MKI67: variants seen among roughly 807,000 people sequenced by gnomAD.
MKI67 encodes the protein proliferation marker protein Ki-67.
In MKI67, 152 loss-of-function variants were observed where a neutral mutation model predicts 233.5. That is an observed-to-expected ratio of 0.65 (90% confidence interval 0.57 to 0.74). The LOEUF is 0.74. Among genes scored for constraint, MKI67 ranks in the 30% least tolerant of loss-of-function variants. MKI67 has a pLI of 0.00. For synonymous variants in MKI67, 1,465 were observed against 1,418.5 expected, an observed-to-expected ratio of 1.03 and a Z score of -0.74; for missense variants, 3,940 against 3,885.2, an observed-to-expected ratio of 1.01 and a Z score of -0.37.
rs142217360 is a variant in MKI67 at position 128,113,554 on chromosome 10, C to T, written c.1529G>A (p.Gly510Glu). The T allele has an allele frequency of 8.7e-6, 14 of 1,614,106 alleles. No individual in the cohort carries two copies. The Admixed American group carries it at 1.0e-4, about 12-fold the overall frequency. The stretch of plus-strand genomic sequence containing the variant: ...ATCAAATAGTTCAGGTCTTAGGTGC[C>T]CACCAAAGGACACACGCCTTCTTTT... ...PLKRRRVSFG[G>E]HLRPELFDEN... Residue 510 changes from glycine (G) to glutamate (E), a missense_variant, in exon 8 of 15, where the codon GGG becomes GAG. Gly to Glu is a moderately conservative substitution (Grantham distance 98, BLOSUM62 -2). Transcript: ENST00000368654.
chr10:128,116,009 T>C lies in MKI67; in HGVS notation c.401-2A>G. On this transcript the variant is annotated splice_acceptor_variant, in intron 6 of 14. Coordinates refer to ENST00000368654, the MANE Select transcript of MKI67 (RefSeq NM_002417.5). LOFTEE classifies it high-confidence loss of function. The stretch of plus-strand genomic sequence containing the variant: ...CCTTGGAATCTTGAGCTTTCTCATC[T>C]TGGCAATGAATTATGAAATAAGAAA... 1 of 1,566,310 alleles carries C rather than the reference T, an allele frequency of 6.4e-7. No individual in the cohort carries two copies.
Position 128,104,765 on chromosome 10 carries a change from G to GT in MKI67, c.7074dup (p.Arg2359ThrfsTer38). 1 of 1,613,536 alleles carries GT rather than the reference G, an allele frequency of 6.2e-7. No individual in the cohort carries two copies. The highest frequency in any genetic ancestry group is 8.5e-7 in the Non-Finnish European group (1 of 1,179,946). On this transcript the variant is annotated frameshift_variant, in exon 13 of 15. Transcript: ENST00000368654. LOFTEE classifies it high-confidence loss of function. Reference sequence around the variant, plus strand: ...GCTTTCCTGAGGTTTCTCTTGGGCCGTTGCTTTGTGCTTGCTGGGGTGTCC... The same window carrying GT: ...GCTTTCCTGAGGTTTCTCTTGGGCCGTTTGCTTTGTGCTTGCTGGGGTGTCC...
intron 4 of MKI67, among the ~76,000 whole-genome samples, chr10:128,121,430 T>TAGTATATACTGTATAC (rs1852936428): frequency 7.1e-6 from 1 of 140,984 alleles, no homozygotes; most frequent in African/African-American, 2.6e-5. Flanking sequence ...ATATACCATA[T>TAGTATATACTGTATAC]AGTATATACT....
rs770223934 is a variant in MKI67, at chr10:128,111,633, C to T, written c.2260+12G>A. The T allele has an allele frequency of 6.3e-7, 1 of 1,593,260 alleles. No individual in the cohort carries two copies. Among genetic ancestry groups the T allele is most frequent in the African/African-American group, 1.4e-5 (1 of 73,894 alleles). On this transcript the variant is annotated intron_variant, in intron 11 of 14. Coordinates refer to ENST00000368654, the MANE Select transcript of MKI67 (RefSeq NM_002417.5). ...GTCAAAAGATTTATAAGATCTAAGA[C>T]TACGTTTTTACCTGAAAGATCTTCC...
Position 128,125,450 on chromosome 10 carries a change from G to A in MKI67, c.92+126C>T. Reference sequence around the variant, plus strand: ...CAACTATGTCAACTTAGTAACGAATGGGAGAAGCACCAAGGAAAAGTGACG... The same window carrying A: ...CAACTATGTCAACTTAGTAACGAATAGGAGAAGCACCAAGGAAAAGTGACG... On this transcript the variant is annotated intron_variant, in intron 2 of 14. Transcript: ENST00000368654. This position sits in a 1 kb window ranked among gnomAD's most constrained non-coding sequence, Gnocchi z 5.3. The A allele has an allele frequency of 1.3e-6, 1 of 751,088 alleles. No homozygotes were observed. The highest frequency in any genetic ancestry group is 2.3e-6 in the Non-Finnish European group (1 of 425,856). 46.5% of individuals were successfully genotyped at this position (751,088 alleles called of 1,614,324 possible). A position where few individuals can be genotyped will look rare whatever the true frequency, so the allele number is the denominator to read the frequency against.
rs1317669529 is a variant in MKI67 at position 128,108,031 on chromosome 10, T to C, written c.3809A>G (p.Lys1270Arg). ...DTPTSTKQRPKRSIRKADVEG... is the reference protein window; with the variant it reads ...DTPTSTKQRPRRSIRKADVEG... ...TACATCTGCTTTCCTGATACTTCTC[T>C]TGGGTCGTTGCTTTGTGCTTGTTGG... The change falls in exon 13 of 15, where the codon AAG becomes AGG. Residue 1270 changes from lysine (K) to arginine (R), a missense_variant. Transcript: ENST00000368654. 6.2e-7 allele frequency: 1 copy of C among 1,613,906 alleles called. No individual in the cohort carries two copies. The highest frequency in any genetic ancestry group is 8.5e-7 in the Non-Finnish European group (1 of 1,179,992).
intron 14 of MKI67, among the ~76,000 whole-genome samples, chr10:128,100,064 C>T (rs778670658): frequency 1.3e-5 from 2 of 152,188 alleles, no homozygotes; most frequent in Non-Finnish European, 1.5e-5. Context: ...TTGTAAGACT[C>T]GACGGGTGAA....
At chr10:128,123,306 C>A in intron 2 of MKI67, 137 bp from the exon 3 acceptor site, 2 of 654,038 alleles carry the variant, frequency 3.1e-6, no homozygotes, top group Non-Finnish European at 5.5e-6. Context: ...ACAAAATGGG[C>A]AATGTAAACG....
Position 128,106,296 on chromosome 10 carries a change from C to T in MKI67, c.5544G>A (p.Thr1848=), listed in dbSNP as rs2853346. 469,517 of 1,612,608 alleles carry T rather than the reference C, an allele frequency of 0.29. 68,730 individuals carry two copies. The highest frequency in any genetic ancestry group is 0.34 in the East Asian group (15,152 of 44,760). ...LFQTPCTDNP[T]TDEKTTKKIL... is the part of the protein sequence containing the mutation. ...TTTTTTTGGTAGTTTTCTCATCAGT[C>T]GTGGGGTTATCAGTGCATGGTGTCT... Residue 1848 remains threonine, a synonymous_variant, in exon 13 of 15, where the codon ACG becomes ACA. Coordinates refer to ENST00000368654, the MANE Select transcript of MKI67 (RefSeq NM_002417.5).
In MKI67 at chr10:128,102,710, G is replaced by A. The variant is rs1308711002; in HGVS notation, c.9130C>T (p.Pro3044Ser). The A allele has an allele frequency of 6.2e-7, 1 of 1,614,074 alleles. No individual in the cohort carries two copies. The highest frequency in any genetic ancestry group is 8.5e-7 in the Non-Finnish European group (1 of 1,180,054). ...APRARGKSSEPVVIMKRSLRT... is the reference protein window; with the variant it reads ...APRARGKSSESVVIMKRSLRT... ...AAACTTCTCTTCATGATGACCACGG[G>A]TTCGGATGATTTGCCTCTTGCCCTG... The change falls in exon 13 of 15, where the codon CCC becomes TCC. Residue 3044 changes from proline to serine, a missense_variant. Pro to Ser is a moderately conservative substitution (Grantham distance 74, BLOSUM62 -1). Transcript: ENST00000368654.
At chr10:128,112,523 G>T in intron 8 of MKI67, 78 bp from the exon 9 acceptor site, 1 of 1,369,110 alleles carries the variant, frequency 7.3e-7, no homozygotes. Flanking sequence ...AACCTATTCA[G>T]TTAAGAATTT....
Position 128,105,312 on chromosome 10 carries a change from A to G in MKI67, c.6528T>C (p.Gly2176=). ...QKLDPAASVT[G]SKRQPRTPKG... ...TAGGAGTTCTTGGCTGCCTCTTGCT[A>G]CCAGTTACACTTGCTGCTGGGTCCA... The change falls in exon 13 of 15, where the codon GGT becomes GGC. Residue 2176 remains glycine, a synonymous_variant. Transcript: ENST00000368654. 6.2e-7 allele frequency: 1 copy of G among 1,613,758 alleles called. No individual in the cohort carries two copies. Among genetic ancestry groups the G allele is most frequent in the Non-Finnish European group, 8.5e-7 (1 of 1,179,944 alleles).
In MKI67 at chr10:128,111,770, T is replaced by G; in HGVS notation, c.2135A>C (p.Asn712Thr). The G allele has an allele frequency of 6.2e-7, 1 of 1,614,120 alleles. No individual in the cohort carries two copies. Among genetic ancestry groups the G allele is most frequent in the Non-Finnish European group, 8.5e-7 (1 of 1,180,028 alleles). ...CCCTATTATTATGGTACAAGGAGAG[T>G]TTGCGTGGCCTGTACTAAATTGACT... is the stretch of plus-strand genomic sequence containing the variant. ...VHSQFSTGHA[N>T]SPCTIIIGKA... The change falls in exon 11 of 15, where the codon AAC becomes ACC. Residue 712 changes from asparagine (N) to threonine (T), a missense_variant. Asn to Thr is a moderately conservative substitution (Grantham distance 65). Coordinates refer to ENST00000368654, the MANE Select transcript of MKI67 (RefSeq NM_002417.5).
Sources: allele counts gnomAD v4.1 joint callset (sites outside exome capture counted in the v4.1 genomes callset), GRCh38; gene constraint gnomAD v4.1.1; non-coding constraint Gnocchi (gnomAD v3.1); transcripts MANE v1.5; gene names NCBI Gene and HGNC (gene_info 2026-07-23, HGNC 2026-07-21).